TMEM244: variants seen among roughly 807,000 people sequenced by gnomAD.
The protein encoded by TMEM244 is transmembrane protein 244.
TMEM244 carries 13 observed loss-of-function variants against 15.8 expected under a neutral mutation model. The ratio of observed to expected loss-of-function variants is 0.82; its 90% CI spans 0.53 to 1.30. The LOEUF is 1.30. Among genes scored for constraint, TMEM244 ranks in the 50% most tolerant of loss-of-function variants. The pLI, the probability that TMEM244 is intolerant of heterozygous loss-of-function variation, is 0.00. For missense variants in TMEM244, 161 were observed against 144.9 expected, an observed-to-expected ratio of 1.11 and a Z score of -0.57; for synonymous variants, 45 against 48.7, an observed-to-expected ratio of 0.92 and a Z score of 0.32.
chr6:129,845,930 GATGA>G, intron 1 of TMEM244, 78 bp from the exon 2 acceptor site: 1 of 956,450 alleles, frequency 1.0e-6, no homozygotes, highest in Non-Finnish European at 1.7e-6. Flanking sequence ...GACAAAAGAT[GATGA>G]ATGATTACTA....
chr6:129,858,165 A>G (rs1776745333), intron 1 of TMEM244, among the ~76,000 whole-genome samples: 2 of 152,074 alleles, frequency 1.3e-5, no homozygotes, highest in South Asian at 4.1e-4. Context: ...CATAAGTGAG[A>G]TTGATCTATA....
chr6:129,855,024 A>T (rs1443238309), intron 1 of TMEM244, among the ~76,000 whole-genome samples: 3 of 152,164 alleles, frequency 2.0e-5, no homozygotes, highest in Non-Finnish European at 4.4e-5. Context: ...AGGTGATTAC[A>T]ATGCAAATAG....
chr6:129,859,261 T>C (rs1481867589), intron 1 of TMEM244, among the ~76,000 whole-genome samples: 1 of 152,244 alleles, frequency 6.6e-6, no homozygotes, highest in South Asian at 2.1e-4. Flanking sequence ...TGAACATGTA[T>C]ACAATTCTTA....
chr6:129,844,388 T>C (rs1287701658), intron 2 of TMEM244, among the ~76,000 whole-genome samples: 1 of 152,196 alleles, frequency 6.6e-6, no homozygotes. Context: ...AACAACAAGA[T>C]ACAGGTTCTA....
Position 129,860,471 on chromosome 6 carries a change from G to T in TMEM244, c.33+685C>A, listed in dbSNP as rs9483072. Among the ~76,000 whole-genome samples, 1,171 of 152,140 alleles carry T rather than the reference G, an allele frequency of 7.7e-3. 16 individuals are homozygous for T. Among genetic ancestry groups the T allele is most frequent in the African/African-American group, 0.025 (1,038 of 41,498 alleles). ...AAAAGCTTGAGGAAATACACACGGT[G>T]CTGATATTTTACTAAAATGAATGTA... On this transcript the variant is annotated intron_variant, in intron 1 of 4. Coordinates refer to ENST00000368143, the MANE Select transcript of TMEM244 (RefSeq NM_001010876.2).
At chr6:129,861,011 G>A (rs551628451) in intron 1 of TMEM244, 145 bp downstream of exon 1, 9 of 792,610 alleles carry the variant, frequency 1.1e-5, no homozygotes, top group East Asian at 7.7e-5. Flanking sequence ...GATGCAAGCC[G>A]TGCAGCAGAA....
At position 129,831,463 on chromosome 6, in the gene TMEM244, T is replaced by G. The variant is rs916204942; in HGVS notation, c.320-77A>C. On this transcript the variant is annotated intron_variant, in intron 4 of 4. Coordinates refer to ENST00000368143, the MANE Select transcript of TMEM244 (RefSeq NM_001010876.2). ...CTCAAGAAGAAATACGTCTGTTTGGTCAAATTATATCCACTCAACAAGAGA... is the reference window on the plus strand; with the variant it reads ...CTCAAGAAGAAATACGTCTGTTTGGGCAAATTATATCCACTCAACAAGAGA... 127 of 967,862 alleles carry G rather than the reference T, an allele frequency of 1.3e-4. 1 individual carries two copies. The highest frequency in any genetic ancestry group is 2.1e-5 in the Non-Finnish European group (13 of 606,922). The allele number at this position is 967,862 out of a possible 1,614,324, so 60.0% of individuals were successfully genotyped here.
chr6:129,859,085 C>G (rs543824499), intron 1 of TMEM244, among the ~76,000 whole-genome samples: 1 of 152,056 alleles, frequency 6.6e-6, no homozygotes, highest in Admixed American at 6.6e-5. Context: ...TGAGCCACCA[C>G]GCCTGGCCGG....
chr6:129,850,146 G>T (rs1338074983), intron 1 of TMEM244, among the ~76,000 whole-genome samples: 3 of 152,148 alleles, frequency 2.0e-5, no homozygotes, highest in African/African-American at 7.2e-5. Flanking sequence ...TGCTACTTAT[G>T]ATGAGCTGAG....
chr6:129,838,772 A>G (rs902826456), intron 3 of TMEM244, among the ~76,000 whole-genome samples: 1 of 152,234 alleles, frequency 6.6e-6, no homozygotes, highest in East Asian at 1.9e-4. Flanking sequence ...ACAGAAATAC[A>G]AACTACCATC....
At chr6:129,858,551 C>T (rs111886757) in intron 1 of TMEM244, among the ~76,000 whole-genome samples, 13 of 152,224 alleles carry the variant, frequency 8.5e-5, no homozygotes, top group Middle Eastern at 3.4e-3. Context: ...ATTTTAATTG[C>T]TTCCATAATA....
Position 129,845,841 on chromosome 6 carries a change from C to T in TMEM244, c.45G>A (p.Gln15=), listed in dbSNP as rs780212414. The change falls in exon 2 of 5, where the codon CAG becomes CAA. Residue 15 remains glutamine (Q), a synonymous_variant. Transcript: ENST00000368143. ...VRVAPSKVVL[Q]KFLLCVILFY... is the part of the protein sequence containing the mutation. ...AAAGAATGACACATAGAAGAAACTT[C>T]TGCAAAACAACCTGTGGAGAAAACA... 1 of 1,612,560 alleles carries T rather than the reference C, an allele frequency of 6.2e-7. No individual in the cohort carries two copies. Among genetic ancestry groups the T allele is most frequent in the South Asian group, 1.1e-5 (1 of 90,672 alleles).
intron 3 of TMEM244, among the ~76,000 whole-genome samples, chr6:129,841,891 T>C (rs9321189): frequency 0.3 from 45,754 of 152,042 alleles, 7,591 homozygotes; most frequent in South Asian, 0.48. Context: ...TCTTATATTT[T>C]ATTAATATCT....
chr6:129,858,225 T>C (rs1374943363), intron 1 of TMEM244, among the ~76,000 whole-genome samples: 1 of 152,220 alleles, frequency 6.6e-6, no homozygotes, highest in Non-Finnish European at 1.5e-5. Context: ...ACATATTTCT[T>C]GTTTCATAAA....
chr6:129,851,652 A>G (rs1776638931), intron 1 of TMEM244, among the ~76,000 whole-genome samples: 1 of 152,212 alleles, frequency 6.6e-6, no homozygotes, highest in African/African-American at 2.4e-5. Context: ...TAGCCCAAGG[A>G]CACACCTTTA....
chr6:129,841,379 C>T (rs1235961803), intron 3 of TMEM244, among the ~76,000 whole-genome samples: 2 of 135,290 alleles, frequency 1.5e-5, no homozygotes, highest in African/African-American at 5.7e-5. Context: ...ACAAAGAACA[C>T]TTGGACACAG....
At chr6:129,831,809 C>T (rs1427816762) in intron 4 of TMEM244, among the ~76,000 whole-genome samples, 1 of 152,212 alleles carries the variant, frequency 6.6e-6, no homozygotes, top group Non-Finnish European at 1.5e-5. Flanking sequence ...GAACCTATAG[C>T]TCATTTCAAC....
intron 1 of TMEM244, among the ~76,000 whole-genome samples, chr6:129,854,812 A>G (rs1776683071): frequency 6.6e-6 from 1 of 152,312 alleles, no homozygotes; most frequent in African/African-American, 2.4e-5. Context: ...TAAGTCAAGG[A>G]GCATCCATAA....
intron 3 of TMEM244, among the ~76,000 whole-genome samples, chr6:129,835,052 A>C (rs556235940): frequency 2.6e-5 from 4 of 152,180 alleles, no homozygotes; most frequent in Non-Finnish European, 5.9e-5. Context: ...GTAATACAAA[A>C]TTTGAAGTCA....
Sources: allele counts gnomAD v4.1 joint callset (sites outside exome capture counted in the v4.1 genomes callset), GRCh38; gene constraint gnomAD v4.1.1; transcripts MANE v1.5; gene names NCBI Gene and HGNC (gene_info 2026-07-23, HGNC 2026-07-21).